Variants in MRI1 observed in about 807,000 individuals in gnomAD.
MRI1 encodes methylthioribose-1-phosphate isomerase.
MRI1 carries 32 observed loss-of-function variants against 27.3 expected under a neutral mutation model. The ratio of observed to expected loss-of-function variants is 1.17; its 90% CI spans 0.88 to 1.57. The LOEUF (loss-of-function observed/expected upper bound fraction) is 1.57, where lower values mean the gene tolerates loss of function less well. Among genes scored for constraint, MRI1 ranks in the 40% most tolerant of loss-of-function variants. The probability of loss-of-function intolerance (pLI) is 0.00; values close to 1 mark genes in which losing one functional copy is unlikely to be tolerated. For synonymous variants in MRI1, 216 were observed against 227.4 expected (o/e 0.95, Z 0.45); for missense variants, 508 against 516.1 (o/e 0.98, Z 0.15).
At position 13,773,767 on chromosome 19, in the gene MRI1, C is replaced by G. The variant is rs974122677; in HGVS notation, c.*1486C>G. Reference sequence around the variant, plus strand: ...CCGCCTTCTGGGTTCAAGCGACTCTCCTGCCTCAGCCTCCCGAGTAGCTGG... The same window carrying G: ...CCGCCTTCTGGGTTCAAGCGACTCTGCTGCCTCAGCCTCCCGAGTAGCTGG... On this transcript the variant is annotated 3_prime_UTR_variant, in exon 6 of 6. Transcript: ENST00000040663. 4 of 152,334 alleles carry G rather than the reference C, an allele frequency of 2.6e-5. No homozygotes were observed. The highest frequency in any genetic ancestry group is 7.2e-5 in the African/African-American group (3 of 41,468). The allele number at this position is 152,334 out of a possible 1,614,324, so 9.4% of individuals were successfully genotyped here. A position where few individuals can be genotyped will look rare whatever the true frequency, so the allele number is the denominator to read the frequency against.
At position 13,768,737 on chromosome 19, in the gene MRI1, G is replaced by A. The variant is rs201287083; in HGVS notation, c.724G>A (p.Ala242Thr). Reference protein sequence around the residue: ...AAAMAHRGVSAVVVGADRVVA... With the variant: ...AAAMAHRGVSTVVVGADRVVA... ...TGCCATGGCCCATAGGGGCGTGTCA[G>A]GTAAGCAGACGGTAAGCCCTGGGGG... Residue 242 changes from alanine to threonine, a missense_variant and splice_region_variant, in exon 4 of 6, where the codon GCT becomes ACT. Coordinates refer to ENST00000040663, the MANE Select transcript of MRI1 (RefSeq NM_001031727.4). 2 of 1,611,878 alleles carry A rather than the reference G, an allele frequency of 1.2e-6. No individual in the cohort carries two copies. Among genetic ancestry groups the A allele is most frequent in the East Asian group, 2.2e-5 (1 of 44,840 alleles).
chr19:13,765,912 C>A (rs373939622), intron 2 of MRI1, 42 bp from the exon 3 acceptor site: 1 of 1,549,522 alleles, frequency 6.5e-7, no homozygotes, highest in South Asian at 1.2e-5. Context: ...GCCTGGGCCC[C>A]GGGTCCTGGT....
intron 2 of MRI1, among the ~76,000 whole-genome samples, chr19:13,765,405 C>T (rs533361919): frequency 3.9e-5 from 6 of 152,194 alleles, no homozygotes; most frequent in East Asian, 3.9e-4. Context: ...TTTTTAGTAT[C>T]TCCGTGTTCT....
rs866810807 is a variant in MRI1, at chr19:13,768,362, T to C, written c.548-199T>C. Reference sequence around the variant, plus strand: ...CGAGAAGGTGTCCTTTAAACAGACGTGAAACGGAGCTATGCGAGCATTGGG... The same window carrying C: ...CGAGAAGGTGTCCTTTAAACAGACGCGAAACGGAGCTATGCGAGCATTGGG... On this transcript the variant is annotated intron_variant, in intron 3 of 5. Transcript: ENST00000040663. The C allele has an allele frequency of 4.9e-6, 7 of 1,439,554 alleles. No homozygotes were observed. The South Asian group carries it at 8.6e-5, about 18-fold the overall frequency. The allele number at this position is 1,439,554 out of a possible 1,614,324, so 89.2% of individuals were successfully genotyped here. A position where few individuals can be genotyped will look rare whatever the true frequency, so the allele number is the denominator to read the frequency against.
Position 13,767,861 on chromosome 19 carries a change from C to CTTTTTTTTTTTTTT in MRI1, c.548-688_548-675dup, listed in dbSNP as rs1170108927. 3.3e-4 allele frequency among the ~76,000 whole-genome samples: 20 copies of CTTTTTTTTTTTTTT among 61,082 alleles called. 2 individuals are homozygous for CTTTTTTTTTTTTTT. The highest frequency in any genetic ancestry group is 6.9e-4 in the Admixed American group (3 of 4,320). 40.1% of individuals were successfully genotyped at this position (61,082 alleles called of 152,430 possible). On this transcript the variant is annotated intron_variant, in intron 3 of 5. Coordinates refer to ENST00000040663, the MANE Select transcript of MRI1 (RefSeq NM_001031727.4). ...TCTTTTCAAGTATTTTCTTTCTTTCCTTTTTTTTTTTTTTTTTTTTTTTTT... is the reference window on the plus strand; with the variant it reads ...TCTTTTCAAGTATTTTCTTTCTTTCCTTTTTTTTTTTTTTTTTTTTTTTTTTTTTTTTTTTTTTT...
rs1017815262 is a variant in MRI1 at position 13,772,963 on chromosome 19, A to G, written c.*682A>G. ...GGGCAGAATTTTAAGAGGACACCAA[A>G]AAAGCTCAGCAACCAAGATAAAAAA... is the stretch of plus-strand genomic sequence containing the variant. On this transcript the variant is annotated 3_prime_UTR_variant, in exon 6 of 6. Transcript: ENST00000040663. The G allele has an allele frequency of 3.3e-5, 5 of 151,926 alleles. No homozygotes were observed. Among genetic ancestry groups the G allele is most frequent in the Non-Finnish European group, 7.4e-5 (5 of 68,006 alleles). The allele number at this position is 151,926 out of a possible 1,614,324, so 9.4% of individuals were successfully genotyped here. A position where few individuals can be genotyped will look rare whatever the true frequency, so the allele number is the denominator to read the frequency against.
In MRI1 at chr19:13,772,325, C is replaced by A; in HGVS notation, c.*44C>A. 1.3e-6 allele frequency: 2 copies of A among 1,573,526 alleles called. No individual in the cohort carries two copies. The highest frequency in any genetic ancestry group is 1.1e-5 in the South Asian group (1 of 87,366). On this transcript the variant is annotated 3_prime_UTR_variant, in exon 6 of 6. Transcript: ENST00000040663. ...GCCTGCCTCTCTAGGTTTTTCAATA[C>A]ATTTCTTGAATGGCTACCCAAAAGC...
Position 13,772,364 on chromosome 19 carries a change from C to A in MRI1, c.*83C>A, listed in dbSNP as rs1599559296. On this transcript the variant is annotated 3_prime_UTR_variant, in exon 6 of 6. Coordinates refer to ENST00000040663, the MANE Select transcript of MRI1 (RefSeq NM_001031727.4). Reference sequence around the variant, plus strand: ...CTACCCAAAAGCTGACCGTCCAGCCCCTGACCACACTTGTTCCTAGTGCAG... The same window carrying A: ...CTACCCAAAAGCTGACCGTCCAGCCACTGACCACACTTGTTCCTAGTGCAG... 2.2e-6 allele frequency: 3 copies of A among 1,367,704 alleles called. No homozygotes were observed. The South Asian group carries it at 4.1e-5, about 19-fold the overall frequency. 84.7% of individuals were successfully genotyped at this position (1,367,704 alleles called of 1,614,324 possible).
At chr19:13,766,499 G>T (rs1010470479) in intron 3 of MRI1, among the ~76,000 whole-genome samples, 3 of 152,138 alleles carry the variant, frequency 2.0e-5, no homozygotes, top group Non-Finnish European at 4.4e-5. Flanking sequence ...GATGGGCCCC[G>T]CCTGAGCCAT....
rs767021012 is a variant in MRI1, at chr19:13,768,861, C to T, written c.762C>T (p.Gly254=). 6.2e-6 allele frequency: 10 copies of T among 1,611,352 alleles called. No homozygotes were observed. In the East Asian group the frequency reaches 8.9e-5, roughly 14 times the overall value. The part of the protein sequence containing the change: ...VVGADRVVAN[G]DTANKVGTYQ... Reference sequence around the variant, plus strand: ...GAGCTGACCGCGTGGTTGCCAACGGCGACACAGCCAACAAGGTGGGCACCT... The same window carrying T: ...GAGCTGACCGCGTGGTTGCCAACGGTGACACAGCCAACAAGGTGGGCACCT... Residue 254 remains glycine, a synonymous_variant, in exon 5 of 6, where the codon GGC becomes GGT. Coordinates refer to ENST00000040663, the MANE Select transcript of MRI1 (RefSeq NM_001031727.4).
chr19:13,764,848 A>T (rs1974079436), intron 1 of MRI1, 23 bp from the exon 2 acceptor site: 9 of 1,302,208 alleles, frequency 6.9e-6, no homozygotes, highest in Non-Finnish European at 8.8e-6. Flanking sequence ...GCAGCTTCCG[A>T]CGCCCAAATC....
At chr19:13,769,349 A>C (rs1342710174) in intron 5 of MRI1, among the ~76,000 whole-genome samples, 1 of 151,920 alleles carries the variant, frequency 6.6e-6, no homozygotes, top group Non-Finnish European at 1.5e-5. Context: ...TTTTTAGTAG[A>C]GATGAGGTTT....
At chr19:13,770,814 C>T (rs974334197) in intron 5 of MRI1, among the ~76,000 whole-genome samples, 3 of 151,924 alleles carry the variant, frequency 2.0e-5, no homozygotes, top group Non-Finnish European at 1.5e-5. Context: ...ACCCGGGAGG[C>T]GGAGGTTGCA....
chr19:13,769,189 A>G (rs956239884), intron 5 of MRI1, 141 bp downstream of exon 5: 2 of 726,812 alleles, frequency 2.8e-6, no homozygotes, highest in African/African-American at 3.6e-5. Context: ...TTTGAGATGG[A>G]GTCTTGCTCT....
rs765780642 is a variant in MRI1, at chr19:13,768,857, A to G, written c.758A>G (p.Asn253Ser). 49 of 1,611,002 alleles carry G rather than the reference A, an allele frequency of 3.0e-5. 1 individual carries two copies. The Middle Eastern group carries it at 8.2e-4, about 27-fold the overall frequency. ...VVVGADRVVA[N>S]GDTANKVGTY... is the part of the protein sequence containing the mutation. ...GTGGGAGCTGACCGCGTGGTTGCCAACGGCGACACAGCCAACAAGGTGGGC... is the reference window on the plus strand; with the variant it reads ...GTGGGAGCTGACCGCGTGGTTGCCAGCGGCGACACAGCCAACAAGGTGGGC... The change falls in exon 5 of 6, where the codon AAC becomes AGC. Residue 253 changes from asparagine to serine, a missense_variant. This residue lies in a region of MRI1 where 457 missense variants were observed against 452.8 expected (regional missense o/e 1.01). Transcript: ENST00000040663.
chr19:13,768,214 T>G, intron 3 of MRI1: 3 of 663,392 alleles, frequency 4.5e-6, no homozygotes, highest in Non-Finnish European at 8.2e-6. Flanking sequence ...GGAGAACCCA[T>G]AGAAAAGGGG....
chr19:13,767,808 C>T (rs1974170690), intron 3 of MRI1, among the ~76,000 whole-genome samples: 1 of 150,808 alleles, frequency 6.6e-6, no homozygotes, highest in Non-Finnish European at 1.5e-5. Context: ...TGGCTCCTTG[C>T]AACCTCTGCC....
Position 13,764,950 on chromosome 19 carries a change from G to A in MRI1, c.212G>A (p.Gly71Glu), listed in dbSNP as rs775128784. The part of the protein sequence containing the change: ...VELQAGAGGP[G>E]LAALVAFVRD... ...CTGCAGGCGGGCGCCGGGGGACCGGGACTCGCCGCGCTCGTGGCCTTCGTG... is the reference window on the plus strand; with the variant it reads ...CTGCAGGCGGGCGCCGGGGGACCGGAACTCGCCGCGCTCGTGGCCTTCGTG... The change falls in exon 2 of 6, where the codon GGA becomes GAA. Residue 71 changes from glycine to glutamate, a missense_variant. By Grantham distance (98) the Gly-to-Glu change is moderately conservative (BLOSUM62 -2). Transcript: ENST00000040663. The A allele has an allele frequency of 9.8e-5, 148 of 1,507,390 alleles. No individual in the cohort carries two copies. The Middle Eastern group carries it at 1.1e-3, about 11-fold the overall frequency. The allele number at this position is 1,507,390 out of a possible 1,614,324, so 93.4% of individuals were successfully genotyped here.
rs59239281 is a variant in MRI1 at position 13,773,631 on chromosome 19, TA to T, written c.*1365del. On this transcript the variant is annotated 3_prime_UTR_variant, in exon 6 of 6. Transcript: ENST00000040663. ...GCAACAGAGTGAGACCCCATCTCTT[TA>T]AAAAAAAAAAAAAATCCATGATGAA... 4.7e-3 allele frequency: 374 copies of T among 78,914 alleles called. No individual in the cohort carries two copies. In the Middle Eastern group the frequency reaches 0.087, roughly 18 times the overall value. The allele number at this position is 78,914 out of a possible 1,614,324, so 4.9% of individuals were successfully genotyped here.
Sources: gnomAD v4.1 joint callset for allele counts (sites outside exome capture counted in the v4.1 genomes callset) on GRCh38, gnomAD v4.1.1 for gene constraint, gnomAD v4.1.1 regional missense constraint, MANE v1.5 for transcripts, NCBI Gene and HGNC (gene_info 2026-07-23, HGNC 2026-07-21) for gene names.